PLEKHM3: variants seen among roughly 807,000 people sequenced by gnomAD.
PLEKHM3 encodes the protein pleckstrin homology domain-containing family M member 3.
PLEKHM3 carries 45 observed loss-of-function variants against 81.8 expected under a neutral mutation model. The ratio of observed to expected loss-of-function variants is 0.55; its 90% CI spans 0.43 to 0.71. The LOEUF (loss-of-function observed/expected upper bound fraction) is 0.71, where lower values mean the gene tolerates loss of function less well. Ranked by LOEUF, PLEKHM3 falls within the 30% of genes least tolerant of loss-of-function variation. PLEKHM3 has a pLI of 0.00. For missense variants in PLEKHM3, 788 were observed against 924.3 expected, an observed-to-expected ratio of 0.85 and a Z score of 1.91; for synonymous variants, 352 against 356.4, an observed-to-expected ratio of 0.99 and a Z score of 0.14.
rs116080348 is a variant in PLEKHM3, at chr2:207,961,775, C to A, written c.1546+14876G>T. ...TCTCGTCTGCTTGGTCCCAGAAGCA[C>A]CCAAAAAGATATCACCAGAAATCTC... is the stretch of plus-strand genomic sequence containing the variant. On this transcript the variant is annotated intron_variant, in intron 3 of 7. Coordinates refer to ENST00000427836, the MANE Select transcript of PLEKHM3 (RefSeq NM_001080475.3). Among the ~76,000 whole-genome samples the A allele has an allele frequency of 4.6e-3, 703 of 152,178 alleles. 5 individuals are homozygous for A. Among genetic ancestry groups the A allele is most frequent in the African/African-American group, 0.016 (651 of 41,510 alleles).
At chr2:207,834,750 C>T (rs1440759655) in intron 7 of PLEKHM3, among the ~76,000 whole-genome samples, 2 of 151,750 alleles carry the variant, frequency 1.3e-5, no homozygotes, top group African/African-American at 2.4e-5. Context: ...ACCTAAAAGC[C>T]GTCTTGGTGG....
intron 6 of PLEKHM3, among the ~76,000 whole-genome samples, chr2:207,901,785 C>T (rs1016472806): frequency 1.3e-5 from 2 of 152,220 alleles, no homozygotes; most frequent in Non-Finnish European, 2.9e-5. Context: ...GTCCTCTTTC[C>T]TAGCTCATTA....
chr2:207,916,630 C>T (rs546435741), intron 5 of PLEKHM3, among the ~76,000 whole-genome samples: 1 of 152,104 alleles, frequency 6.6e-6, no homozygotes, highest in South Asian at 2.1e-4. Flanking sequence ...CACCTGTAAT[C>T]CCAGCTGCTA....
chr2:207,853,932 A>G (rs751616054), intron 7 of PLEKHM3, among the ~76,000 whole-genome samples: 6 of 151,838 alleles, frequency 4.0e-5, no homozygotes, highest in African/African-American at 9.7e-5. Flanking sequence ...CACCATGCCC[A>G]GCTAATTTTT....
At chr2:207,935,161 C>G (rs1300577719) in intron 4 of PLEKHM3, among the ~76,000 whole-genome samples, 1 of 152,014 alleles carries the variant, frequency 6.6e-6, no homozygotes, top group African/African-American at 2.4e-5. Context: ...ACTAGTCCCA[C>G]AAAAAAAGAC....
intron 2 of PLEKHM3, among the ~76,000 whole-genome samples, chr2:207,996,965 A>G (rs1404890869): frequency 6.6e-6 from 1 of 151,910 alleles, no homozygotes; most frequent in East Asian, 1.9e-4. Context: ...AATGCTCACA[A>G]GAAATTGAGG....
intron 7 of PLEKHM3, among the ~76,000 whole-genome samples, chr2:207,847,960 C>T (rs1359062251): frequency 6.6e-6 from 1 of 152,202 alleles, no homozygotes; most frequent in Non-Finnish European, 1.5e-5. Flanking sequence ...AAGCGCAGCC[C>T]ACAAACCTGC....
intron 4 of PLEKHM3, among the ~76,000 whole-genome samples, chr2:207,939,664 C>T (rs1287115769): frequency 6.6e-6 from 1 of 152,168 alleles, no homozygotes; most frequent in African/African-American, 2.4e-5. Context: ...TTATTATTTC[C>T]ATTCTAAAGG....
At chr2:207,883,259 C>T (rs1687764560) in intron 6 of PLEKHM3, among the ~76,000 whole-genome samples, 1 of 152,120 alleles carries the variant, frequency 6.6e-6, no homozygotes, top group Non-Finnish European at 1.5e-5. Context: ...TTTCAGATAG[C>T]TCTTTTCTGT....
At chr2:207,891,515 T>C (rs535340501) in intron 6 of PLEKHM3, among the ~76,000 whole-genome samples, 1 of 152,344 alleles carries the variant, frequency 6.6e-6, no homozygotes, top group East Asian at 1.9e-4. Context: ...CCAGACTCTC[T>C]GCCCACAACT....
At chr2:207,881,647 A>C (rs2092592020) in intron 6 of PLEKHM3, among the ~76,000 whole-genome samples, 1 of 152,186 alleles carries the variant, frequency 6.6e-6, no homozygotes, top group Non-Finnish European at 1.5e-5. Flanking sequence ...AAAAATGGGA[A>C]TTGGGGCCAA....
intron 1 of PLEKHM3, among the ~76,000 whole-genome samples, chr2:208,011,787 T>A (rs1246114137): frequency 2.2e-4 from 24 of 108,516 alleles, no homozygotes; most frequent in Non-Finnish European, 2.7e-4. Flanking sequence ...CTGATAAACT[T>A]TTTTTTTTTT....
chr2:207,876,438 G>T (rs2092560342), intron 6 of PLEKHM3, among the ~76,000 whole-genome samples: 1 of 152,054 alleles, frequency 6.6e-6, no homozygotes, highest in Non-Finnish European at 1.5e-5. Flanking sequence ...CTAATAATAT[G>T]TTTATTTTCA....
intron 1 of PLEKHM3, among the ~76,000 whole-genome samples, chr2:208,006,927 G>GT (rs1179412582): frequency 2.0e-5 from 3 of 152,326 alleles, no homozygotes; most frequent in South Asian, 4.2e-4. Flanking sequence ...TAAGAAATCT[G>GT]TTTTTTACAT....
At chr2:207,842,746 C>T (rs946801120) in intron 7 of PLEKHM3, among the ~76,000 whole-genome samples, 1 of 151,936 alleles carries the variant, frequency 6.6e-6, no homozygotes, top group Non-Finnish European at 1.5e-5. Flanking sequence ...GCTGCGTACA[C>T]AAGCCATAAG....
intron 2 of PLEKHM3, among the ~76,000 whole-genome samples, chr2:207,999,527 G>C (rs1000754904): frequency 2.0e-5 from 3 of 152,112 alleles, no homozygotes. Context: ...GATCCCATGA[G>C]CCAAGAGTTT....
intron 6 of PLEKHM3, among the ~76,000 whole-genome samples, chr2:207,894,117 AAAAT>A (rs1445661630): frequency 6.6e-6 from 1 of 152,168 alleles, no homozygotes; most frequent in African/African-American, 2.4e-5. Flanking sequence ...CCTGGTCTTA[AAAAT>A]AAATAATCAA....
In PLEKHM3 at chr2:207,848,549, A is replaced by T. The variant is rs977085481; in HGVS notation, c.2108+12556T>A. On this transcript the variant is annotated intron_variant, in intron 7 of 7. Coordinates refer to ENST00000427836, the MANE Select transcript of PLEKHM3 (RefSeq NM_001080475.3). ...GAGAACAATTAGGCATCTCAGCACC[A>T]TCTATGGGAAGAAGTAGTTCCACAT... 3.5e-4 allele frequency among the ~76,000 whole-genome samples: 53 copies of T among 152,356 alleles called. 1 individual carries two copies. The highest frequency in any genetic ancestry group is 1.3e-3 in the African/African-American group (52 of 41,582).
At chr2:207,912,304 G>A (rs576037225) in intron 5 of PLEKHM3, among the ~76,000 whole-genome samples, 6 of 152,244 alleles carry the variant, frequency 3.9e-5, no homozygotes, top group Non-Finnish European at 7.4e-5. Flanking sequence ...GTTTCTATGT[G>A]TATATATATT....
Sources: gnomAD v4.1 joint callset for allele counts (sites outside exome capture counted in the v4.1 genomes callset) on GRCh38, gnomAD v4.1.1 for gene constraint, MANE v1.5 for transcripts, NCBI Gene and HGNC (gene_info 2026-07-23, HGNC 2026-07-21) for gene names.